The following SHTN1 variants were observed in gnomAD, a reference collection of about 807,000 sequenced individuals.
SHTN1 encodes shootin 1.
Under a neutral mutation model 83.1 loss-of-function variants are expected in SHTN1, and 42 were observed. That is an observed-to-expected ratio of 0.51 (90% CI 0.39 to 0.65). SHTN1 has a LOEUF of 0.65. Among genes scored for constraint, SHTN1 ranks in the 30% least tolerant of loss-of-function variants. The probability of loss-of-function intolerance (pLI) is 0.00; values close to 1 mark genes in which losing one functional copy is unlikely to be tolerated. For synonymous variants in SHTN1, 224 were observed against 247.7 expected (o/e 0.90, Z 0.90); for missense variants, 622 against 737.8 (o/e 0.84, Z 1.82).
intron 1 of SHTN1, among the ~76,000 whole-genome samples, chr10:117,069,039 G>A (rs966967671): frequency 6.6e-6 from 1 of 152,064 alleles, no homozygotes; most frequent in Non-Finnish European, 1.5e-5. Context: ...CTGGCCTCCC[G>A]AGGAAATCTC....
intron 2 of SHTN1, among the ~76,000 whole-genome samples, chr10:116,977,677 T>C (rs1850858186): frequency 2.0e-5 from 3 of 151,372 alleles, no homozygotes; most frequent in Admixed American, 1.3e-4. Flanking sequence ...TGTGTGTGTG[T>C]GTGTGTGTGT....
intron 9 of SHTN1, among the ~76,000 whole-genome samples, chr10:116,937,886 T>G (rs1849231452): frequency 6.6e-6 from 1 of 151,872 alleles, no homozygotes; most frequent in South Asian, 2.1e-4. Flanking sequence ...TCAGTAATCT[T>G]GTCTTCATGC....
At chr10:116,974,809 A>G (rs1311419659) in intron 2 of SHTN1, among the ~76,000 whole-genome samples, 1 of 150,914 alleles carries the variant, frequency 6.6e-6, no homozygotes, top group Non-Finnish European at 1.5e-5. Context: ...ATTCCATTCA[A>G]AGCTCAATGA....
intron 16 of SHTN1, among the ~76,000 whole-genome samples, chr10:116,897,727 A>G (rs1847572809): frequency 6.6e-6 from 1 of 152,200 alleles, no homozygotes; most frequent in South Asian, 2.1e-4. Flanking sequence ...ATTCAGTTAT[A>G]GATTACATAA....
intron 1 of SHTN1, among the ~76,000 whole-genome samples, chr10:116,991,054 T>C (rs2576440): frequency 0.99 from 150,572 of 151,876 alleles, 74,639 homozygotes; most frequent in East Asian, 1. Context: ...GGCGCGGTGG[T>C]GGGCGCCTGT....
At chr10:117,065,805 G>A (rs1259821794) in intron 1 of SHTN1, among the ~76,000 whole-genome samples, 6 of 54,494 alleles carry the variant, frequency 1.1e-4, no homozygotes, top group African/African-American at 2.5e-4. Flanking sequence ...AGGAAGGAAG[G>A]AAGGAAGGAA....
intron 12 of SHTN1, among the ~76,000 whole-genome samples, chr10:116,919,127 A>G (rs533116621): frequency 2.1e-4 from 32 of 152,360 alleles, no homozygotes; most frequent in Non-Finnish European, 3.5e-4. Context: ...GAGACCAGTC[A>G]CTATGTTATA....
At chr10:117,051,905 T>C (rs61873019) in intron 1 of SHTN1, among the ~76,000 whole-genome samples, 34,516 of 148,004 alleles carry the variant, frequency 0.23, 4,734 homozygotes, top group East Asian at 0.43. Context: ...GCACTGGAAA[T>C]CCTAGACAGA....
At chr10:116,988,359 G>A (rs1227926295) in intron 1 of SHTN1, among the ~76,000 whole-genome samples, 2 of 151,488 alleles carry the variant, frequency 1.3e-5, no homozygotes, top group Non-Finnish European at 1.5e-5. Flanking sequence ...TGCCATAGAG[G>A]ATCTGAAATG....
intron 1 of SHTN1, among the ~76,000 whole-genome samples, chr10:117,084,896 C>G (rs963914972): frequency 3.3e-5 from 5 of 151,956 alleles, no homozygotes; most frequent in African/African-American, 4.8e-5. Context: ...TGCTTCGGCT[C>G]GCGCACGGTG....
chr10:117,062,892 T>A (rs1005178512), intron 1 of SHTN1, among the ~76,000 whole-genome samples: 1 of 152,094 alleles, frequency 6.6e-6, no homozygotes, highest in Non-Finnish European at 1.5e-5. Context: ...TTAGAATTAT[T>A]TCTTCATTCA....
intron 2 of SHTN1, among the ~76,000 whole-genome samples, chr10:116,978,549 C>T (rs946191911): frequency 2.0e-5 from 3 of 151,508 alleles, no homozygotes; most frequent in African/African-American, 7.3e-5. Context: ...ACGTTTCTGA[C>T]CTTAGTCTGT....
intron 2 of SHTN1, among the ~76,000 whole-genome samples, chr10:117,036,628 G>A (rs1028030609): frequency 6.6e-6 from 1 of 152,166 alleles, no homozygotes; most frequent in African/African-American, 2.4e-5. Flanking sequence ...CTAGAGGCTG[G>A]GAAGAGTAGT....
intron 3 of SHTN1, among the ~76,000 whole-genome samples, chr10:116,963,158 G>A (rs1194698147): frequency 4.7e-5 from 6 of 127,276 alleles, no homozygotes; most frequent in Non-Finnish European, 6.3e-5. Context: ...TGCAAGCTCC[G>A]CCTCCCGGGT....
intron 11 of SHTN1, among the ~76,000 whole-genome samples, chr10:116,922,981 AAAT>A (rs1848616531): frequency 1.3e-5 from 2 of 152,060 alleles, no homozygotes; most frequent in Admixed American, 6.6e-5. Flanking sequence ...AAAAAAATAA[AAAT>A]AATAATAATG....
chr10:116,881,541 T>TA lies in SHTN1; in HGVS notation c.*4802dup. ...TTTCAAAGAAGAACACACTTTTTTT[T>TA]ACTTTAATGAGGAAGCTGAAAAGGC... is the stretch of plus-strand genomic sequence containing the variant. On this transcript the variant is annotated 3_prime_UTR_variant, in exon 17 of 17. Transcript: ENST00000355371. 1 of 1,546,126 alleles carries TA rather than the reference T, an allele frequency of 6.5e-7. No individual in the cohort carries two copies.
At chr10:116,967,487 CATG>C (rs1333157250) in intron 3 of SHTN1, among the ~76,000 whole-genome samples, 2 of 152,204 alleles carry the variant, frequency 1.3e-5, no homozygotes, top group Admixed American at 1.3e-4. Context: ...ATGCATACAA[CATG>C]ATGAGTTTGG....
intron 1 of SHTN1, among the ~76,000 whole-genome samples, chr10:117,064,445 G>A (rs540950077): frequency 6.6e-6 from 1 of 152,272 alleles, no homozygotes; most frequent in East Asian, 1.9e-4. Flanking sequence ...CACGAGGTCA[G>A]GAGTTTGAGA....
intron 1 of SHTN1, among the ~76,000 whole-genome samples, chr10:116,992,956 T>A (rs1230825279): frequency 6.6e-6 from 1 of 151,978 alleles, no homozygotes; most frequent in Non-Finnish European, 1.5e-5. Flanking sequence ...AAATGAAAGC[T>A]GTACTATCTT....
Sources: allele counts gnomAD v4.1 joint callset (sites outside exome capture counted in the v4.1 genomes callset), GRCh38; gene constraint gnomAD v4.1.1; transcripts MANE v1.5; gene names NCBI Gene and HGNC (gene_info 2026-07-23, HGNC 2026-07-21).